The following ADAM9 variants were observed in gnomAD, a reference collection of about 807,000 sequenced individuals.
ADAM9 encodes the protein ADAM metallopeptidase domain 9.
ADAM9 carries 54 observed loss-of-function variants against 108.1 expected under a neutral mutation model. That is an observed-to-expected ratio of 0.50 (90% CI 0.40 to 0.63). ADAM9 has a LOEUF of 0.63. ADAM9 is among the 20% of genes least tolerant of loss of function. The pLI is 0.00. For missense variants in ADAM9, 830 were observed against 997.7 expected (o/e 0.83, Z 2.26); for synonymous variants, 316 against 336.0 (o/e 0.94, Z 0.65).
chr8:39,046,159 G>A (rs896847243), intron 12 of ADAM9, among the ~76,000 whole-genome samples: 3 of 151,812 alleles, frequency 2.0e-5, no homozygotes, highest in Non-Finnish European at 4.4e-5. Context: ...GCAATGTTTT[G>A]TAAGTTTTTA....
chr8:39,073,878 C>T (rs1339578839), intron 15 of ADAM9, among the ~76,000 whole-genome samples: 1 of 152,138 alleles, frequency 6.6e-6, no homozygotes, highest in Admixed American at 6.5e-5. Flanking sequence ...TAAGAATATA[C>T]ATTTGAAGTT....
At chr8:39,061,596 G>A (rs1432087560) in intron 14 of ADAM9, among the ~76,000 whole-genome samples, 5 of 152,106 alleles carry the variant, frequency 3.3e-5, no homozygotes, top group South Asian at 2.1e-4. Context: ...GCCACAGACC[G>A]GGTAATTAAT....
At chr8:39,002,251 T>C (rs545461119) in intron 1 of ADAM9, among the ~76,000 whole-genome samples, 2 of 151,498 alleles carry the variant, frequency 1.3e-5, no homozygotes, top group African/African-American at 4.8e-5. Flanking sequence ...GTTTATGTAG[T>C]AGGCAGGAGA....
At chr8:39,049,031 G>A (rs1260073698) in intron 12 of ADAM9, among the ~76,000 whole-genome samples, 2 of 140,870 alleles carry the variant, frequency 1.4e-5, no homozygotes, top group Non-Finnish European at 3.1e-5. Context: ...CATTCAGTAT[G>A]CTATGTGTTT....
chr8:39,033,584 C>T (rs1837171665), intron 11 of ADAM9, among the ~76,000 whole-genome samples: 1 of 150,560 alleles, frequency 6.6e-6, no homozygotes, highest in African/African-American at 2.4e-5. Context: ...ATAATTATAT[C>T]ACTTAATATA....
chr8:39,092,947 C>T (rs1248306289), intron 20 of ADAM9, among the ~76,000 whole-genome samples: 2 of 152,148 alleles, frequency 1.3e-5, no homozygotes, highest in Non-Finnish European at 1.5e-5. Context: ...GTTCTCTATT[C>T]TGTTCCATTT....
At chr8:39,060,357 A>G (rs1838260057) in intron 14 of ADAM9, among the ~76,000 whole-genome samples, 1 of 152,214 alleles carries the variant, frequency 6.6e-6, no homozygotes. Flanking sequence ...CTTGCCTGAC[A>G]GCCTGGACCT....
chr8:39,087,209 G>A lies in ADAM9; in HGVS notation c.2069-2838G>A, dbSNP rs78097933. On this transcript the variant is annotated intron_variant, in intron 18 of 21. Coordinates refer to ENST00000487273, the MANE Select transcript of ADAM9 (RefSeq NM_003816.3). ...CCCGAGTGTCTGTTAACTTTCTTTA[G>A]GCACTAACCTTGGACAATTCTAAGG... 5.2e-3 allele frequency among the ~76,000 whole-genome samples: 791 copies of A among 152,260 alleles called. 10 individuals carry two copies. The highest frequency in any genetic ancestry group is 0.019 in the African/African-American group (769 of 41,534).
chr8:39,051,829 G>C lies in ADAM9; in HGVS notation c.1303-2652G>C, dbSNP rs577123114. On this transcript the variant is annotated intron_variant, in intron 12 of 21. Coordinates refer to ENST00000487273, the MANE Select transcript of ADAM9 (RefSeq NM_003816.3). Reference sequence around the variant, plus strand: ...GTATTCCAATACAAGGATTTACTATGATTTATTTAACCATACTCTCATTAA... The same window carrying C: ...GTATTCCAATACAAGGATTTACTATCATTTATTTAACCATACTCTCATTAA... 5.9e-5 allele frequency among the ~76,000 whole-genome samples: 9 copies of C among 152,062 alleles called. No individual in the cohort carries two copies. The South Asian group carries it at 1.9e-3, about 32-fold the overall frequency.
chr8:39,011,437 A>G (rs1836351217), intron 2 of ADAM9, among the ~76,000 whole-genome samples: 1 of 152,192 alleles, frequency 6.6e-6, no homozygotes, highest in African/African-American at 2.4e-5. Flanking sequence ...TTAGATAGAC[A>G]TGGGGTTATT....
intron 12 of ADAM9, among the ~76,000 whole-genome samples, chr8:39,045,093 T>TATGTGTGTGTGCATACATAC (rs1837613558): frequency 8.5e-5 from 2 of 23,644 alleles, no homozygotes; most frequent in Non-Finnish European, 1.6e-4. Flanking sequence ...CATACATACA[T>TATGTGTGTGTGCATACATAC]ATGTGTGTGT....
At chr8:39,038,723 A>G (rs1245043005) in intron 11 of ADAM9, among the ~76,000 whole-genome samples, 1 of 152,162 alleles carries the variant, frequency 6.6e-6, no homozygotes, top group Non-Finnish European at 1.5e-5. Context: ...TGGTTGATTG[A>G]TATTGCACAA....
intron 14 of ADAM9, among the ~76,000 whole-genome samples, chr8:39,060,945 A>G (rs982177064): frequency 3.9e-5 from 6 of 152,190 alleles, no homozygotes; most frequent in African/African-American, 1.4e-4. Flanking sequence ...GTATTAGGGG[A>G]TGTGTTAATT....
intron 12 of ADAM9, among the ~76,000 whole-genome samples, chr8:39,043,441 CTT>C (rs1837515738): frequency 6.6e-6 from 1 of 152,028 alleles, no homozygotes; most frequent in Non-Finnish European, 1.5e-5. Flanking sequence ...CACTTGTTGT[CTT>C]TTGTTTTTTT....
intron 20 of ADAM9, 84 bp downstream of exon 20, chr8:39,091,430 T>G: frequency 9.4e-6 from 11 of 1,169,258 alleles, no homozygotes; most frequent in Non-Finnish European, 1.3e-5. Context: ...TATATAGCTA[T>G]AGCTAGAAAC....
chr8:39,078,285 T>C (rs950119208), intron 16 of ADAM9, among the ~76,000 whole-genome samples: 2 of 151,726 alleles, frequency 1.3e-5, no homozygotes, highest in African/African-American at 4.8e-5. Context: ...ATTTAAGTTT[T>C]TGATAGTGCA....
intron 4 of ADAM9, chr8:39,014,283 T>G (rs1320914876): frequency 5.3e-6 from 3 of 567,364 alleles, no homozygotes; most frequent in Non-Finnish European, 9.3e-6. Context: ...AAATAAATCT[T>G]CTATTTAATG....
At chr8:39,033,928 A>G (rs1238408939) in intron 11 of ADAM9, among the ~76,000 whole-genome samples, 2 of 152,212 alleles carry the variant, frequency 1.3e-5, no homozygotes, top group Non-Finnish European at 1.5e-5. Flanking sequence ...TACACATTGT[A>G]TGAATGGATC....
intron 14 of ADAM9, among the ~76,000 whole-genome samples, chr8:39,068,904 A>C (rs1345528571): frequency 6.6e-6 from 1 of 151,960 alleles, no homozygotes; most frequent in Non-Finnish European, 1.5e-5. Context: ...ATAAACCTCC[A>C]GTGTTTTGCC....
Sources: allele counts gnomAD v4.1 joint callset (sites outside exome capture counted in the v4.1 genomes callset), GRCh38; gene constraint gnomAD v4.1.1; transcripts MANE v1.5; gene names NCBI Gene and HGNC (gene_info 2026-07-23, HGNC 2026-07-21).